Variants in PTK2 observed in about 807,000 individuals in gnomAD.
The protein encoded by PTK2 is protein tyrosine kinase 2, also known as focal adhesion kinase 1.
A neutral mutation model predicts 150.1 loss-of-function variants in PTK2; 45 were observed. That is an observed-to-expected ratio of 0.30 (90% CI 0.24 to 0.38). The LOEUF (loss-of-function observed/expected upper bound fraction) is 0.38, where lower values mean the gene tolerates loss of function less well. Among genes scored for constraint, PTK2 ranks in the 10% least tolerant of loss-of-function variants. PTK2 has a pLI of 1.00. For synonymous variants in PTK2, 432 were observed against 449.2 expected, an observed-to-expected ratio of 0.96 and a Z score of 0.48; for missense variants, 919 against 1,307.3, an observed-to-expected ratio of 0.70 and a Z score of 4.58.
intron 1 of PTK2, among the ~76,000 whole-genome samples, chr8:140,979,687 G>A (rs953326894): frequency 2.1e-4 from 32 of 152,286 alleles, no homozygotes; most frequent in African/African-American, 6.5e-4. Flanking sequence ...GGCAGGGACC[G>A]GTGGGAGGTA....
intron 8 of PTK2, chr8:140,820,526 A>G (rs1340717192): frequency 1.3e-5 from 2 of 152,082 alleles, no homozygotes; most frequent in African/African-American, 4.8e-5. Flanking sequence ...CAAGTACAGA[A>G]CCAGAAAGAG....
intron 2 of PTK2, among the ~76,000 whole-genome samples, chr8:140,920,231 AAT>A (rs1388116819): frequency 9.9e-5 from 15 of 152,266 alleles, no homozygotes; most frequent in Middle Eastern, 3.4e-3. Flanking sequence ...TTAACTTCTA[AAT>A]ATGTTTCCCA....
At chr8:140,814,910 G>GACTAC (rs2100103753) in intron 10 of PTK2, among the ~76,000 whole-genome samples, 1 of 152,010 alleles carries the variant, frequency 6.6e-6, no homozygotes, top group South Asian at 2.1e-4. Context: ...GAGTAGCTGG[G>GACTAC]ACTACAGGCG....
In PTK2 at chr8:140,753,091, T is replaced by G. The variant is rs76684435; in HGVS notation, c.1333-775A>C. 4.9e-3 allele frequency among the ~76,000 whole-genome samples: 740 copies of G among 152,324 alleles called. 4 individuals are homozygous for G. Among genetic ancestry groups the G allele is most frequent in the African/African-American group, 0.017 (709 of 41,570 alleles). On this transcript the variant is annotated intron_variant, in intron 16 of 31. Coordinates refer to ENST00000522684, the Ensembl canonical transcript of PTK2. ...CCAAAATTTTGAAGGAGCATTCTGC[T>G]GTGGTACTGAGAAATGGCTGCAGAG...
chr8:140,905,194 T>C (rs758394047), intron 2 of PTK2, among the ~76,000 whole-genome samples: 6 of 152,204 alleles, frequency 3.9e-5, no homozygotes, highest in Non-Finnish European at 5.9e-5. Flanking sequence ...TAAATGTAAG[T>C]GTGCTAAATA....
intron 12 of PTK2, among the ~76,000 whole-genome samples, chr8:140,796,911 A>G (rs948043322): frequency 6.6e-6 from 1 of 152,178 alleles, no homozygotes; most frequent in African/African-American, 2.4e-5. Flanking sequence ...TTTTTAATAC[A>G]TTAATAGAGC....
Position 140,849,134 on chromosome 8 carries a change from A to G in PTK2, c.451-2456T>C, listed in dbSNP as rs115354032. ...TCCTATAGCTTTAATCTCGATTATCAGAGCTGCATGATCACACACTGAAAT... is the reference window on the plus strand; with the variant it reads ...TCCTATAGCTTTAATCTCGATTATCGGAGCTGCATGATCACACACTGAAAT... On this transcript the variant is annotated intron_variant, in intron 5 of 31. Transcript: ENST00000522684. Among the ~76,000 whole-genome samples, 966 of 152,326 alleles carry G rather than the reference A, an allele frequency of 6.3e-3. 15 individuals are homozygous for G. Among genetic ancestry groups the G allele is most frequent in the African/African-American group, 0.021 (889 of 41,568 alleles).
intron 12 of PTK2, among the ~76,000 whole-genome samples, chr8:140,795,278 C>T (rs989914104): frequency 1.5e-4 from 23 of 152,156 alleles, no homozygotes; most frequent in Admixed American, 1.5e-3. Flanking sequence ...AATGGCTTCC[C>T]AAATCACTTG....
intron 1 of PTK2, among the ~76,000 whole-genome samples, chr8:140,931,784 A>T (rs2100171886): frequency 6.6e-6 from 1 of 151,624 alleles, no homozygotes; most frequent in Non-Finnish European, 1.5e-5. Flanking sequence ...AAAAAATTTT[A>T]AAATAGCTGG....
At chr8:140,905,608 C>A (rs573130584) in intron 2 of PTK2, among the ~76,000 whole-genome samples, 4 of 152,254 alleles carry the variant, frequency 2.6e-5, no homozygotes, top group Admixed American at 2.6e-4. Context: ...CAATATTAGA[C>A]AGATCAACAA....
chr8:140,900,240 G>A (rs2100157890), intron 2 of PTK2, among the ~76,000 whole-genome samples: 1 of 152,180 alleles, frequency 6.6e-6, no homozygotes, highest in South Asian at 2.1e-4. Flanking sequence ...CAGTAAAGTA[G>A]CAGGATGCAA....
At chr8:140,773,179 C>A (rs1414294941) in intron 14 of PTK2, among the ~76,000 whole-genome samples, 1 of 151,972 alleles carries the variant, frequency 6.6e-6, no homozygotes, top group Non-Finnish European at 1.5e-5. Context: ...TTGAGTAATA[C>A]CAAGAATATT....
intron 1 of PTK2, among the ~76,000 whole-genome samples, chr8:140,999,305 A>T (rs2154610470): frequency 6.6e-6 from 1 of 152,386 alleles, no homozygotes; most frequent in East Asian, 1.9e-4. Context: ...TGTGTTTTAA[A>T]TAATCTGTGC....
intron 1 of PTK2, among the ~76,000 whole-genome samples, chr8:140,943,263 G>A (rs1457825084): frequency 2.6e-5 from 4 of 151,914 alleles, no homozygotes; most frequent in Admixed American, 6.6e-5. Context: ...TCTCTCTTCC[G>A]CCCCAGGCAA....
chr8:140,841,198 C>T (rs1473871377), intron 7 of PTK2, among the ~76,000 whole-genome samples: 1 of 152,090 alleles, frequency 6.6e-6, no homozygotes, highest in African/African-American at 2.4e-5. Flanking sequence ...AAACTGATCA[C>T]ACAAAGCAAA....
At chr8:140,800,968 T>A (rs1247923726) in intron 11 of PTK2, among the ~76,000 whole-genome samples, 1 of 152,242 alleles carries the variant, frequency 6.6e-6, no homozygotes, top group Non-Finnish European at 1.5e-5. Flanking sequence ...CAACCATCCA[T>A]CATAATTTCT....
At chr8:140,690,652 T>C (rs539130274) in intron 26 of PTK2, among the ~76,000 whole-genome samples, 1 of 152,298 alleles carries the variant, frequency 6.6e-6, no homozygotes, top group African/African-American at 2.4e-5. Flanking sequence ...TCATTAGTTA[T>C]TATGGAGTAA....
chr8:140,670,583 A>G (rs1209501607), intron 29 of PTK2, among the ~76,000 whole-genome samples: 2 of 149,944 alleles, frequency 1.3e-5, no homozygotes, highest in Admixed American at 6.7e-5. Flanking sequence ...TAGAACAGAA[A>G]CCCCTTTTTT....
At chr8:140,901,787 T>G (rs369409563) in intron 2 of PTK2, among the ~76,000 whole-genome samples, 1 of 151,940 alleles carries the variant, frequency 6.6e-6, no homozygotes, top group Non-Finnish European at 1.5e-5. Flanking sequence ...ATATTTCTCA[T>G]AACGCTATCC....
Sources: allele counts gnomAD v4.1 joint callset (sites outside exome capture counted in the v4.1 genomes callset), GRCh38; gene constraint gnomAD v4.1.1; transcripts MANE v1.5; gene names NCBI Gene and HGNC (gene_info 2026-07-23, HGNC 2026-07-21).